RPS6KC1: variants seen among roughly 807,000 people sequenced by gnomAD.
RPS6KC1 encodes inactive ribosomal protein S6 kinase delta-1.
A neutral mutation model predicts 103.8 loss-of-function variants in RPS6KC1; 54 were observed. The ratio of observed to expected loss-of-function variants is 0.52; its 90% CI spans 0.42 to 0.65. The LOEUF is 0.65. RPS6KC1 is among the 30% of genes least tolerant of loss of function. The probability of loss-of-function intolerance (pLI) is 0.00; values close to 1 mark genes in which losing one functional copy is unlikely to be tolerated. For synonymous variants in RPS6KC1, 439 were observed against 438.7 expected (o/e 1.00, Z -0.01); for missense variants, 1,151 against 1,253.8 (o/e 0.92, Z 1.24).
the RPS6KC1 span, among the ~76,000 whole-genome samples, chr1:213,745,842 CTATT>C: frequency 6.6e-6 from 1 of 152,172 alleles, no homozygotes; most frequent in African/African-American, 2.4e-5. Context: ...GGTTAAATCT[CTATT>C]TACACCACCA....
chr1:213,842,872 T>C, the RPS6KC1 span, among the ~76,000 whole-genome samples: 1 of 152,238 alleles, frequency 6.6e-6, no homozygotes, highest in African/African-American at 2.4e-5. Context: ...ATATGCTTAC[T>C]ACCAATTTTA....
At chr1:213,736,032 T>C in the RPS6KC1 span, among the ~76,000 whole-genome samples, 1 of 152,136 alleles carries the variant, frequency 6.6e-6, no homozygotes, top group Non-Finnish European at 1.5e-5. Context: ...ACTTTCTTGG[T>C]AGGGATGCCA....
At chr1:213,440,593 T>TAAAAAA in the RPS6KC1 span, among the ~76,000 whole-genome samples, 22 of 100,368 alleles carry the variant, frequency 2.2e-4, no homozygotes, top group East Asian at 6.3e-4. Flanking sequence ...TTAATGGAAC[T>TAAAAAA]AAAAAAAAAA....
chr1:213,598,944 A>AC, the RPS6KC1 span, among the ~76,000 whole-genome samples: 11 of 152,224 alleles, frequency 7.2e-5, no homozygotes, highest in East Asian at 1.4e-3. Context: ...CAAAACCAAA[A>AC]AAACTGCATT....
chr1:213,280,876 T>C, the RPS6KC1 span, among the ~76,000 whole-genome samples: 4 of 152,230 alleles, frequency 2.6e-5, no homozygotes, highest in Admixed American at 6.5e-5. Context: ...CATCTGTCTC[T>C]ATGCTGTGCC....
At chr1:213,582,326 C>G in the RPS6KC1 span, among the ~76,000 whole-genome samples, 1 of 151,934 alleles carries the variant, frequency 6.6e-6, no homozygotes. Flanking sequence ...TAGATACTGC[C>G]AGCTAACCTC....
At chr1:213,223,723 C>T (rs1047407491) in intron 8 of RPS6KC1, among the ~76,000 whole-genome samples, 2 of 152,060 alleles carry the variant, frequency 1.3e-5, no homozygotes, top group Non-Finnish European at 2.9e-5. Flanking sequence ...TGGGTAGCTA[C>T]CCAGTAGTGG....
the RPS6KC1 span, among the ~76,000 whole-genome samples, chr1:213,536,981 C>T: frequency 1.3e-5 from 2 of 152,192 alleles, no homozygotes; most frequent in South Asian, 4.1e-4. Context: ...TCCTACAATT[C>T]ATTGGTTGTA....
At chr1:213,229,818 G>GA (rs1416554243) in intron 8 of RPS6KC1, among the ~76,000 whole-genome samples, 1 of 152,110 alleles carries the variant, frequency 6.6e-6, no homozygotes, top group Non-Finnish European at 1.5e-5. Flanking sequence ...GTTTTAAAAA[G>GA]AAAACCCTGG....
At chr1:213,196,906 G>A (rs531030586) in intron 8 of RPS6KC1, among the ~76,000 whole-genome samples, 13 of 152,128 alleles carry the variant, frequency 8.5e-5, no homozygotes, top group African/African-American at 2.9e-4. Flanking sequence ...GCGCGATCTC[G>A]GCTCACTGCA....
At chr1:213,773,422 A>G in the RPS6KC1 span, among the ~76,000 whole-genome samples, 1 of 148,994 alleles carries the variant, frequency 6.7e-6, no homozygotes, top group Non-Finnish European at 1.5e-5. Context: ...ATATCTATAT[A>G]TCTATATCTA....
At chr1:213,326,401 A>G in the RPS6KC1 span, among the ~76,000 whole-genome samples, 1 of 152,242 alleles carries the variant, frequency 6.6e-6, no homozygotes, top group African/African-American at 2.4e-5. Flanking sequence ...CACAGACAAA[A>G]GAACAGCTAA....
At chr1:213,820,117 G>A in the RPS6KC1 span, 5 of 152,156 alleles carry the variant, frequency 3.3e-5, no homozygotes, top group African/African-American at 1.2e-4. Flanking sequence ...ACAGCACTGA[G>A]ACGGACAAGA....
the RPS6KC1 span, among the ~76,000 whole-genome samples, chr1:213,425,494 C>T: frequency 2.6e-5 from 4 of 152,216 alleles, no homozygotes; most frequent in African/African-American, 9.6e-5. Flanking sequence ...TTGCTTCACA[C>T]ATTAGCTGCT....
the RPS6KC1 span, among the ~76,000 whole-genome samples, chr1:213,505,136 A>C: frequency 6.6e-6 from 1 of 152,094 alleles, no homozygotes; most frequent in East Asian, 1.9e-4. Flanking sequence ...ACTTACCCCA[A>C]GTATCCCCTG....
chr1:213,126,245 A>G (rs2084983044), intron 5 of RPS6KC1, among the ~76,000 whole-genome samples: 1 of 152,166 alleles, frequency 6.6e-6, no homozygotes, highest in Admixed American at 6.6e-5. Context: ...AGGATAGTAG[A>G]TAAATAACTG....
At chr1:213,213,099 T>C (rs761701956) in intron 8 of RPS6KC1, among the ~76,000 whole-genome samples, 1 of 152,226 alleles carries the variant, frequency 6.6e-6, no homozygotes, top group Non-Finnish European at 1.5e-5. Flanking sequence ...GTTTCTTTCA[T>C]ACGAGTGGGT....
the RPS6KC1 span, among the ~76,000 whole-genome samples, chr1:213,430,227 A>T: frequency 1.3e-5 from 2 of 152,230 alleles, no homozygotes; most frequent in East Asian, 3.8e-4. Flanking sequence ...GTCTATCATG[A>T]TTCTTACTTA....
chr1:213,337,910 G>A, the RPS6KC1 span, among the ~76,000 whole-genome samples: 5 of 152,106 alleles, frequency 3.3e-5, no homozygotes, highest in Admixed American at 3.3e-4. Flanking sequence ...TATAGGGTAG[G>A]GACAATTTCT....
Sources: gnomAD v4.1 joint callset for allele counts (sites outside exome capture counted in the v4.1 genomes callset) on GRCh38, gnomAD v4.1.1 for gene constraint, MANE v1.5 for transcripts, NCBI Gene and HGNC (gene_info 2026-07-23, HGNC 2026-07-21) for gene names.